The following MAPRE3 variants were observed in gnomAD, a reference collection of about 807,000 sequenced individuals.
MAPRE3 encodes microtubule-associated protein RP/EB family member 3.
In MAPRE3, 2 loss-of-function variants were observed where a neutral mutation model predicts 30.5. The observed-to-expected ratio is 0.07, with a 90% CI of 0.03 to 0.21. The LOEUF is 0.21. Ranked by LOEUF, MAPRE3 falls within the 10% of genes least tolerant of loss-of-function variation. The probability of loss-of-function intolerance (pLI) is 1.00; values close to 1 mark genes in which losing one functional copy is unlikely to be tolerated. For synonymous variants in MAPRE3, 110 were observed against 127.7 expected (o/e 0.86, Z 0.93); for missense variants, 204 against 351.8 (o/e 0.58, Z 3.36).
In MAPRE3 at chr2:27,025,678, C is replaced by G; in HGVS notation, c.565C>G (p.Pro189Ala). ...CCCCTGCATTCTCCGGAAGAATCCTCCATCAGCCCGAAATGGCGGCCATGA... is the reference window on the plus strand; with the variant it reads ...CCCCTGCATTCTCCGGAAGAATCCTGCATCAGCCCGAAATGGCGGCCATGA... The part of the protein sequence containing the change: ...APPCILRKNP[P>A]SARNGGHETD... Residue 189 changes from proline (P) to alanine (A), a missense_variant, in exon 5 of 7, where the codon CCA (proline) becomes GCA (alanine). Pro to Ala is a conservative substitution (Grantham distance 27, BLOSUM62 -1). This residue lies in a region of MAPRE3 where 42 missense variants were observed against 81.2 expected (regional missense o/e 0.52). Coordinates refer to ENST00000233121, the MANE Select transcript of MAPRE3 (RefSeq NM_012326.4). The G allele has an allele frequency of 6.2e-7, 1 of 1,613,924 alleles. No individual in the cohort carries two copies. The highest frequency in any genetic ancestry group is 1.1e-5 in the South Asian group (1 of 91,060).
At chr2:26,997,946 A>G (rs1406937121) in intron 1 of MAPRE3, among the ~76,000 whole-genome samples, 20 of 152,210 alleles carry the variant, frequency 1.3e-4, no homozygotes, top group Non-Finnish European at 1.6e-4. Context: ...CTTGACCCCG[A>G]TAGGGCATGC....
At chr2:26,974,944 T>G (rs1665987794) in intron 1 of MAPRE3, among the ~76,000 whole-genome samples, 1 of 152,158 alleles carries the variant, frequency 6.6e-6, no homozygotes, top group Non-Finnish European at 1.5e-5. Context: ...GTAGCCCCCA[T>G]CTCTCAGCAC....
chr2:27,023,367 C>G lies in MAPRE3; in HGVS notation c.157C>G (p.Pro53Ala). 6.2e-7 allele frequency: 1 copy of G among 1,611,350 alleles called. No homozygotes were observed. Among genetic ancestry groups the G allele is most frequent in the South Asian group, 1.1e-5 (1 of 91,046 alleles). ...CTGCCAGTTCATGGACATGCTCTTC[C>G]CCGGCTGTGTGCACTTGAGGAAAGT... ...AYCQFMDMLF[P>A]GCVHLRKVKF... Residue 53 changes from proline to alanine, a missense_variant, in exon 3 of 7, where the codon CCC becomes GCC. Physicochemically the swap from Pro to Ala is conservative, Grantham distance 27. This residue lies in a region of MAPRE3 where 101 missense variants were observed against 205.4 expected (regional missense o/e 0.49). Coordinates refer to ENST00000233121, the MANE Select transcript of MAPRE3 (RefSeq NM_012326.4).
chr2:26,975,241 A>C (rs996137942), intron 1 of MAPRE3, among the ~76,000 whole-genome samples: 3 of 152,166 alleles, frequency 2.0e-5, no homozygotes, highest in Non-Finnish European at 2.9e-5. Context: ...TGTGAGGGAC[A>C]CACATGTGGT....
intron 1 of MAPRE3, among the ~76,000 whole-genome samples, chr2:27,006,497 C>T (rs551215446): frequency 2.0e-5 from 3 of 152,324 alleles, no homozygotes; most frequent in South Asian, 4.1e-4. Flanking sequence ...GTGGCATGAT[C>T]ACAGCTCATT....
intron 1 of MAPRE3, among the ~76,000 whole-genome samples, chr2:26,994,821 CTTCTTTTTTTTTT>C (rs1186124966): frequency 2.1e-5 from 2 of 95,686 alleles, no homozygotes; most frequent in Non-Finnish European, 4.6e-5. Flanking sequence ...TCTTCTTCTT[CTTCTTTTTTTTTT>C]TTTTTTTTTT....
chr2:26,971,213 G>A (rs1347901795), intron 1 of MAPRE3, among the ~76,000 whole-genome samples: 1 of 152,218 alleles, frequency 6.6e-6, no homozygotes, highest in Non-Finnish European at 1.5e-5. Flanking sequence ...TCTCCCCAGT[G>A]ATGTGCCAGA....
intron 1 of MAPRE3, among the ~76,000 whole-genome samples, chr2:27,019,787 A>C (rs1667074322): frequency 5.3e-5 from 8 of 152,250 alleles, no homozygotes; most frequent in Admixed American, 5.2e-4. Flanking sequence ...AAGAACTAGG[A>C]ATAAAGAAGA....
chr2:27,022,528 T>C (rs1256667712), intron 2 of MAPRE3, 189 bp downstream of exon 2: 2 of 712,048 alleles, frequency 2.8e-6, no homozygotes, highest in Non-Finnish European at 4.5e-6. Context: ...CAAACCTGGA[T>C]GGTGTAGCCT....
Position 27,019,464 on chromosome 2 carries a change from A to G in MAPRE3, c.-7-2748A>G, listed in dbSNP as rs777076921. On this transcript the variant is annotated intron_variant, in intron 1 of 6. Coordinates refer to ENST00000233121, the MANE Select transcript of MAPRE3 (RefSeq NM_012326.4). ...ACATGAGGCATCACTCAATGGTTCA[A>G]CGTTACTGAACGTCTTGCCTGTGAC... Among the ~76,000 whole-genome samples, 7 of 152,110 alleles carry G rather than the reference A, an allele frequency of 4.6e-5. No homozygotes were observed. In the East Asian group the frequency reaches 9.7e-4, roughly 21 times the overall value.
In MAPRE3 at chr2:27,022,294, G is replaced by A. The variant is rs768144243; in HGVS notation, c.76G>A (p.Asp26Asn). 5.0e-6 allele frequency: 8 copies of A among 1,613,968 alleles called. No homozygotes were observed. The highest frequency in any genetic ancestry group is 1.6e-4 in the Middle Eastern group (1 of 6,074). The change falls in exon 2 of 7, where the codon GAC (aspartate) becomes AAC (asparagine). Residue 26 changes from aspartate to asparagine, a missense_variant. This residue lies in a region of MAPRE3 where 101 missense variants were observed against 205.4 expected (regional missense o/e 0.49). Coordinates refer to ENST00000233121, the MANE Select transcript of MAPRE3 (RefSeq NM_012326.4). ...SRHDMLAWVN[D>N]SLHLNYTKIE... The stretch of plus-strand genomic sequence containing the variant: ...CCATGATATGCTTGCATGGGTCAAC[G>A]ACTCCCTGCACCTCAACTATACCAA...
At chr2:26,970,880 C>G (rs1440551956) in intron 1 of MAPRE3, 78 bp downstream of exon 1, 2 of 151,580 alleles carry the variant, frequency 1.3e-5, no homozygotes, top group Non-Finnish European at 2.9e-5. Context: ...GGAGGGGAAC[C>G]GGGCTCCCCC....
At chr2:27,008,207 T>C (rs1289555155) in intron 1 of MAPRE3, among the ~76,000 whole-genome samples, 3 of 152,228 alleles carry the variant, frequency 2.0e-5, no homozygotes, top group Admixed American at 1.3e-4. Flanking sequence ...GACTAGTGAC[T>C]GTAATTCTAA....
intron 1 of MAPRE3, among the ~76,000 whole-genome samples, chr2:27,004,728 T>TAAAAAAA (rs563188243): frequency 3.3e-5 from 4 of 120,438 alleles, no homozygotes; most frequent in African/African-American, 1.2e-4. Flanking sequence ...AAGGATCTAG[T>TAAAAAAA]AAAAAAAAAA....
intron 1 of MAPRE3, among the ~76,000 whole-genome samples, chr2:26,992,907 A>G (rs908827658): frequency 1.3e-5 from 2 of 152,128 alleles, no homozygotes; most frequent in African/African-American, 4.8e-5. Context: ...TGAGAAATCC[A>G]GTGTTCTGTT....
At chr2:27,020,922 GC>G (rs1355569285) in intron 1 of MAPRE3, among the ~76,000 whole-genome samples, 3 of 152,254 alleles carry the variant, frequency 2.0e-5, no homozygotes, top group African/African-American at 7.2e-5. Flanking sequence ...AATACAGTCA[GC>G]CCTTCACATC....
intron 1 of MAPRE3, among the ~76,000 whole-genome samples, chr2:26,983,458 C>T (rs147648998): frequency 1.3e-5 from 2 of 152,300 alleles, no homozygotes; most frequent in East Asian, 3.9e-4. Context: ...CAAGGCACTG[C>T]TCTGGCCTCG....
intron 4 of MAPRE3, among the ~76,000 whole-genome samples, chr2:27,024,928 C>A (rs949924569): frequency 2.0e-5 from 3 of 152,212 alleles, no homozygotes; most frequent in African/African-American, 7.2e-5. Context: ...TCTGTCTGCA[C>A]TGCTGTTCTG....
chr2:27,004,728 TA>T (rs563188243), intron 1 of MAPRE3, among the ~76,000 whole-genome samples: 1,306 of 120,370 alleles, frequency 0.011, 4 homozygotes, highest in South Asian at 0.018. Flanking sequence ...AAGGATCTAG[TA>T]AAAAAAAAAA....
Sources: allele counts gnomAD v4.1 joint callset (sites outside exome capture counted in the v4.1 genomes callset), GRCh38; gene constraint gnomAD v4.1.1; regional missense constraint gnomAD v4.1.1; transcripts MANE v1.5; gene names NCBI Gene and HGNC (gene_info 2026-07-23, HGNC 2026-07-21).